Variants in SCAPER observed in about 807,000 individuals in gnomAD.
SCAPER encodes S-phase cyclin A associated protein in the ER.
A neutral mutation model predicts 182.2 loss-of-function variants in SCAPER; 98 were observed. That is an observed-to-expected ratio of 0.54 (90% CI 0.46 to 0.64). The LOEUF (loss-of-function observed/expected upper bound fraction) is 0.64. Among genes scored for constraint, SCAPER ranks in the 30% least tolerant of loss-of-function variants. The pLI, the probability that SCAPER is intolerant of heterozygous loss-of-function variation, is 0.00. For synonymous variants in SCAPER, 605 were observed against 564.6 expected, an observed-to-expected ratio of 1.07 and a Z score of -1.01; for missense variants, 1,432 against 1,690.0, an observed-to-expected ratio of 0.85 and a Z score of 2.68.
chr15:76,502,012 C>T (rs1169208846), intron 24 of SCAPER, among the ~76,000 whole-genome samples: 16 of 152,190 alleles, frequency 1.1e-4, no homozygotes, highest in Non-Finnish European at 2.2e-4. Flanking sequence ...AATCCTTTAG[C>T]CCTGAAAATT....
chr15:76,368,601 T>C (rs2041956844), intron 29 of SCAPER, among the ~76,000 whole-genome samples: 1 of 152,226 alleles, frequency 6.6e-6, no homozygotes, highest in African/African-American at 2.4e-5. Flanking sequence ...CAGGGCGTGG[T>C]GCAGAGCAGA....
intron 4 of SCAPER, among the ~76,000 whole-genome samples, chr15:76,855,454 CAGCAA>C (rs1386250565): frequency 7.1e-5 from 2 of 28,074 alleles, no homozygotes; most frequent in Non-Finnish European, 1.4e-4. Context: ...AGCTTCTGCA[CAGCAA>C]AAAAAAAAAA....
intron 22 of SCAPER, among the ~76,000 whole-genome samples, chr15:76,619,033 T>C (rs1056287489): frequency 7.2e-5 from 11 of 152,186 alleles, no homozygotes; most frequent in African/African-American, 2.7e-4. Context: ...TTAGTAAAGA[T>C]GGGGTTCTGC....
At chr15:76,897,139 G>A (rs1159920086) in intron 1 of SCAPER, among the ~76,000 whole-genome samples, 1 of 152,072 alleles carries the variant, frequency 6.6e-6, no homozygotes, top group African/African-American at 2.4e-5. Context: ...ATCAAAGAAA[G>A]TAAATGTGAA....
At chr15:76,420,417 A>G (rs1402184424) in intron 26 of SCAPER, among the ~76,000 whole-genome samples, 1 of 151,816 alleles carries the variant, frequency 6.6e-6, no homozygotes, top group Non-Finnish European at 1.5e-5. Flanking sequence ...ACTCCACCAA[A>G]TAATTCTTAG....
At chr15:76,514,169 T>C (rs1385407646) in intron 23 of SCAPER, among the ~76,000 whole-genome samples, 1 of 152,186 alleles carries the variant, frequency 6.6e-6, no homozygotes, top group Admixed American at 6.5e-5. Flanking sequence ...TTCAGACATA[T>C]GAAACTGGAA....
At position 76,771,722 on chromosome 15, in the gene SCAPER, AC is replaced by A; in HGVS notation, c.1248+19del. On this transcript the variant is annotated intron_variant, in intron 10 of 31. Transcript: ENST00000563290. ...CTCAGAATTCTGATAAGTTGTTCTT[AC>A]CAAGTTAGCAGCACTCACATTTGAA... 6.3e-7 allele frequency: 1 copy of A among 1,590,748 alleles called. No homozygotes were observed. The highest frequency in any genetic ancestry group is 8.6e-7 in the Non-Finnish European group (1 of 1,160,038).
chr15:76,639,848 C>T (rs2053958523), intron 21 of SCAPER, among the ~76,000 whole-genome samples: 3 of 152,052 alleles, frequency 2.0e-5, no homozygotes, highest in South Asian at 4.1e-4. Context: ...AGGAAAGATG[C>T]ATATTAGTTC....
chr15:76,803,917 C>T (rs926406261), intron 6 of SCAPER, among the ~76,000 whole-genome samples: 3 of 152,132 alleles, frequency 2.0e-5, no homozygotes, highest in Admixed American at 1.3e-4. Flanking sequence ...CAGAGCTTGG[C>T]ACACAGCATT....
rs1240505922 is a variant in SCAPER at position 76,779,913 on chromosome 15, G to A, written c.773-4796C>T. Among the ~76,000 whole-genome samples the A allele has an allele frequency of 3.3e-5, 5 of 152,082 alleles. No homozygotes were observed. The East Asian group carries it at 5.8e-4, about 18-fold the overall frequency. On this transcript the variant is annotated intron_variant, in intron 8 of 31. Coordinates refer to ENST00000563290, the MANE Select transcript of SCAPER (RefSeq NM_020843.4). The stretch of plus-strand genomic sequence containing the variant: ...AAAAACCAATCAACGGGGGATCTTC[G>A]ACCAACATGGGTGAATAGGAACAGC...
chr15:76,372,949 T>C (rs868145916), intron 29 of SCAPER, among the ~76,000 whole-genome samples: 79 of 152,296 alleles, frequency 5.2e-4, no homozygotes, highest in African/African-American at 1.7e-3. Context: ...ATGTTAACAG[T>C]GGCTATCTCA....
At chr15:76,536,641 T>C (rs28573845) in intron 23 of SCAPER, among the ~76,000 whole-genome samples, 12,560 of 152,104 alleles carry the variant, frequency 0.083, 592 homozygotes, top group Middle Eastern at 0.12. Context: ...AAGCATTCCC[T>C]TTGAAAACTG....
chr15:76,605,996 A>G (rs1461110122), intron 22 of SCAPER, among the ~76,000 whole-genome samples: 1 of 152,048 alleles, frequency 6.6e-6, no homozygotes, highest in African/African-American at 2.4e-5. Flanking sequence ...GATTTTTTGA[A>G]GGGTTTTTTG....
intron 21 of SCAPER, 133 bp downstream of exon 21, chr15:76,665,520 T>C (rs759322581): frequency 5.6e-6 from 6 of 1,067,848 alleles, no homozygotes; most frequent in Non-Finnish European, 7.8e-6. Context: ...TGGCTATAAA[T>C]TAGGCTCATC....
At chr15:76,439,235 G>A (rs1286018175) in intron 25 of SCAPER, among the ~76,000 whole-genome samples, 1 of 152,044 alleles carries the variant, frequency 6.6e-6, no homozygotes, top group African/African-American at 2.4e-5. Flanking sequence ...ACAGGTGTGT[G>A]CCATCAGGCC....
chr15:76,641,829 C>T (rs941536393), intron 21 of SCAPER, among the ~76,000 whole-genome samples: 10 of 152,114 alleles, frequency 6.6e-5, no homozygotes, highest in African/African-American at 1.9e-4. Context: ...AAATGGACAG[C>T]CTTTTTTGAG....
At chr15:76,606,533 C>T (rs550695232) in intron 22 of SCAPER, among the ~76,000 whole-genome samples, 48 of 151,914 alleles carry the variant, frequency 3.2e-4, no homozygotes, top group African/African-American at 8.7e-4. Context: ...CTATTAGGTC[C>T]ACTTGGTGCA....
intron 26 of SCAPER, among the ~76,000 whole-genome samples, chr15:76,429,690 CT>C (rs1414079902): frequency 1.3e-5 from 2 of 150,298 alleles, no homozygotes; most frequent in South Asian, 4.2e-4. Context: ...GACTTGGGTG[CT>C]GTTAAAAAGC....
intron 24 of SCAPER, among the ~76,000 whole-genome samples, chr15:76,487,296 A>G (rs1277861863): frequency 6.8e-6 from 1 of 147,452 alleles, no homozygotes; most frequent in Non-Finnish European, 1.5e-5. Context: ...ACAAGTTTAC[A>G]TATGTAACAA....
Sources: allele counts gnomAD v4.1 joint callset (sites outside exome capture counted in the v4.1 genomes callset), GRCh38; gene constraint gnomAD v4.1.1; transcripts MANE v1.5; gene names NCBI Gene and HGNC (gene_info 2026-07-23, HGNC 2026-07-21).